Variants in CAMK4 observed in about 807,000 individuals in gnomAD.
CAMK4 encodes the protein calcium/calmodulin-dependent protein kinase type IV.
Under a neutral mutation model 44.9 loss-of-function variants are expected in CAMK4, and 22 were observed. That is an observed-to-expected ratio of 0.49 (90% CI 0.35 to 0.70). The LOEUF (loss-of-function observed/expected upper bound fraction) is 0.70. Ranked by LOEUF, CAMK4 falls within the 30% of genes least tolerant of loss-of-function variation. The pLI, the probability that CAMK4 is intolerant of heterozygous loss-of-function variation, is 0.01. For missense variants in CAMK4, 498 were observed against 586.8 expected (o/e 0.85, Z 1.56); for synonymous variants, 218 against 215.4 (o/e 1.01, Z -0.11).
intron 1 of CAMK4, among the ~76,000 whole-genome samples, chr5:111,266,663 T>C (rs1308743652): frequency 6.6e-6 from 1 of 152,220 alleles, no homozygotes; most frequent in Non-Finnish European, 1.5e-5. Flanking sequence ...CCAGATTGAC[T>C]CATACTCGTT....
At chr5:111,296,519 T>C (rs114621786) in intron 1 of CAMK4, among the ~76,000 whole-genome samples, 62 of 152,376 alleles carry the variant, frequency 4.1e-4, no homozygotes, top group African/African-American at 1.4e-3. Context: ...TTTACATTTA[T>C]TTAAATTTGC....
chr5:111,468,171 G>A (rs1754914156), intron 7 of CAMK4, among the ~76,000 whole-genome samples: 1 of 152,128 alleles, frequency 6.6e-6, no homozygotes, highest in Non-Finnish European at 1.5e-5. Flanking sequence ...AGACTCAGGG[G>A]AAAGGGTGGG....
At chr5:111,224,249 A>C, upstream of CAMK4, 1 of 395,294 alleles carries the variant, frequency 2.5e-6, no homozygotes. This position sits in a 1 kb window ranked among gnomAD's most constrained non-coding sequence, Gnocchi z 5.7. Context: ...CGGTGCAGCT[A>C]GTCTCCCTCC....
intron 8 of CAMK4, among the ~76,000 whole-genome samples, chr5:111,477,992 CCTGT>C (rs1466147433): frequency 2.6e-5 from 4 of 151,828 alleles, no homozygotes; most frequent in Non-Finnish European, 4.4e-5. Context: ...TCTCTGTCTG[CCTGT>C]CTGTCTGTCT....
chr5:111,357,726 C>T (rs1449838491), intron 2 of CAMK4, among the ~76,000 whole-genome samples: 2 of 152,054 alleles, frequency 1.3e-5, no homozygotes, highest in African/African-American at 2.4e-5. Flanking sequence ...ACTCACAACT[C>T]ACCATATGTC....
chr5:111,436,930 A>G (rs1260639572), intron 5 of CAMK4, among the ~76,000 whole-genome samples: 1 of 152,250 alleles, frequency 6.6e-6, no homozygotes. Flanking sequence ...TAATTCAGCT[A>G]TAACTACCAA....
chr5:111,425,746 C>T (rs1188942939), intron 5 of CAMK4, among the ~76,000 whole-genome samples: 1 of 152,152 alleles, frequency 6.6e-6, no homozygotes, highest in African/African-American at 2.4e-5. Flanking sequence ...CCAGAAAACA[C>T]ATGTATATTC....
chr5:111,271,099 TC>T (rs1750494272), intron 1 of CAMK4, among the ~76,000 whole-genome samples: 1 of 152,084 alleles, frequency 6.6e-6, no homozygotes, highest in Middle Eastern at 3.2e-3. Flanking sequence ...CATGATCCAA[TC>T]ACCTCCTACC....
intron 7 of CAMK4, among the ~76,000 whole-genome samples, chr5:111,469,936 A>G (rs1314258795): frequency 6.6e-6 from 1 of 152,228 alleles, no homozygotes; most frequent in African/African-American, 2.4e-5. Context: ...GACTCTCTCA[A>G]CATATTTCTA....
At chr5:111,284,659 G>C (rs982061009) in intron 1 of CAMK4, among the ~76,000 whole-genome samples, 2 of 152,156 alleles carry the variant, frequency 1.3e-5, no homozygotes, top group African/African-American at 4.8e-5. Flanking sequence ...GAAGTTTAAA[G>C]GCCCGTAATA....
At chr5:111,317,129 G>T (rs1193665676) in intron 1 of CAMK4, among the ~76,000 whole-genome samples, 2 of 152,082 alleles carry the variant, frequency 1.3e-5, no homozygotes, top group African/African-American at 2.4e-5. Context: ...TCTGATACCT[G>T]TAAGAGGGAC....
intron 7 of CAMK4, among the ~76,000 whole-genome samples, chr5:111,465,536 C>T (rs995748771): frequency 6.6e-6 from 1 of 152,090 alleles, no homozygotes; most frequent in African/African-American, 2.4e-5. Flanking sequence ...ACAACCAATA[C>T]CACAGAAATG....
chr5:111,447,214 C>T (rs1004489746), intron 6 of CAMK4, among the ~76,000 whole-genome samples: 1 of 152,124 alleles, frequency 6.6e-6, no homozygotes, highest in Non-Finnish European at 1.5e-5. Context: ...GGCTTTGAGT[C>T]GCTTGTTTAT....
chr5:111,225,905 A>G (rs977753501), intron 1 of CAMK4, among the ~76,000 whole-genome samples: 3 of 152,180 alleles, frequency 2.0e-5, no homozygotes, highest in Admixed American at 6.5e-5. Context: ...TTTTTGATCA[A>G]GTTTTTCAGT....
rs553807532 is a variant in CAMK4 at position 111,361,022 on chromosome 5, G to A, written c.241-13828G>A. 2.6e-5 allele frequency among the ~76,000 whole-genome samples: 4 copies of A among 152,116 alleles called. No homozygotes were observed. The South Asian group carries it at 6.2e-4, about 24-fold the overall frequency. The stretch of plus-strand genomic sequence containing the variant: ...GAATAACTCTAGAAGAACCATGTGA[G>A]AGCCTCTCTTTCCACCAAGTTTTTA... On this transcript the variant is annotated intron_variant, in intron 2 of 10. Transcript: ENST00000282356.
intron 1 of CAMK4, among the ~76,000 whole-genome samples, chr5:111,291,800 C>T (rs185127451): frequency 4.3e-4 from 66 of 152,296 alleles, no homozygotes; most frequent in Non-Finnish European, 3.4e-4. Context: ...TGTGAGCCAG[C>T]GCACCTGGCC....
In CAMK4 at chr5:111,290,189, A is replaced by G. The variant is rs1242926133; in HGVS notation, c.162-53835A>G. On this transcript the variant is annotated intron_variant, in intron 1 of 10. Coordinates refer to ENST00000282356, the MANE Select transcript of CAMK4 (RefSeq NM_001744.6). The surrounding 1 kb of genome is among the most constrained non-coding windows in gnomAD (Gnocchi z 4.5). Reference sequence around the variant, plus strand: ...AGTATAGACGCCTGCTCCCCTACCCATAAAAATTTTCCTTGAGCTGGAAGC... The same window carrying G: ...AGTATAGACGCCTGCTCCCCTACCCGTAAAAATTTTCCTTGAGCTGGAAGC... 1.3e-5 allele frequency among the ~76,000 whole-genome samples: 2 copies of G among 152,114 alleles called. No homozygotes were observed. The highest frequency in any genetic ancestry group is 2.1e-4 in the South Asian group (1 of 4,822).
chr5:111,309,588 C>T (rs1220496639), intron 1 of CAMK4, among the ~76,000 whole-genome samples: 1 of 152,136 alleles, frequency 6.6e-6, no homozygotes, highest in Non-Finnish European at 1.5e-5. Flanking sequence ...ATTTTACTGC[C>T]TGCTTAGTCA....
At chr5:111,254,931 A>C (rs1749675860) in intron 1 of CAMK4, among the ~76,000 whole-genome samples, 1 of 152,084 alleles carries the variant, frequency 6.6e-6, no homozygotes. Flanking sequence ...TGAGGCCCAC[A>C]TCAGATGCTG....
Sources: allele counts gnomAD v4.1 joint callset (sites outside exome capture counted in the v4.1 genomes callset), GRCh38; gene constraint gnomAD v4.1.1; non-coding constraint Gnocchi (gnomAD v3.1); transcripts MANE v1.5; gene names NCBI Gene and HGNC (gene_info 2026-07-23, HGNC 2026-07-21).